Variants in KIF13A observed in about 807,000 individuals in gnomAD.
The protein encoded by KIF13A is kinesin-like protein KIF13A.
KIF13A carries 79 observed loss-of-function variants against 212.2 expected under a neutral mutation model. The ratio of observed to expected loss-of-function variants is 0.37; its 90% CI spans 0.31 to 0.45. KIF13A has a LOEUF of 0.45. KIF13A is among the 20% of genes least tolerant of loss of function. The pLI, the probability that KIF13A is intolerant of heterozygous loss-of-function variation, is 1.00. For missense variants in KIF13A, 1,901 were observed against 2,209.0 expected (o/e 0.86, Z 2.79); for synonymous variants, 789 against 808.6 (o/e 0.98, Z 0.41).
chr6:17,830,847 G>A (rs373634668), intron 13 of KIF13A, among the ~76,000 whole-genome samples: 5 of 151,956 alleles, frequency 3.3e-5, no homozygotes, highest in East Asian at 1.9e-4. Context: ...GCATCACCTC[G>A]ACACCTACTG....
At position 17,771,121 on chromosome 6, in the gene KIF13A, T is replaced by C; in HGVS notation, c.4574A>G (p.Lys1525Arg). Residue 1525 changes from lysine (K) to arginine (R), a missense_variant, in exon 38 of 39, where the codon AAG becomes AGG. Physicochemically the swap from Lys to Arg is conservative, Grantham distance 26 (BLOSUM62 2). Transcript: ENST00000259711. The surrounding 1 kb of genome is among the most constrained non-coding windows in gnomAD (Gnocchi z 5.4). ...MPVEHNSKRE[K>R]KIDSEEEENE... is the part of the protein sequence containing the mutation. Reference sequence around the variant, plus strand: ...AATGGTTCCGGAACTTACAATCTTCTTCTCACGTTTGCTATTGTGTTCTAC... The same window carrying C: ...AATGGTTCCGGAACTTACAATCTTCCTCTCACGTTTGCTATTGTGTTCTAC... 6.2e-7 allele frequency: 1 copy of C among 1,608,024 alleles called. No individual in the cohort carries two copies. Among genetic ancestry groups the C allele is most frequent in the Non-Finnish European group, 8.5e-7 (1 of 1,175,294 alleles).
rs551420812 is a variant in KIF13A at position 17,863,292 on chromosome 6, C to T, written c.221-7170G>A. 4.0e-5 allele frequency among the ~76,000 whole-genome samples: 6 copies of T among 151,182 alleles called. No homozygotes were observed. In the East Asian group the frequency reaches 1.2e-3, roughly 29 times the overall value. ...GGGTGTGTGTTTGTGTGTGCATGGA[C>T]ATGATGAGATGAAGGAACAGTATCA... is the stretch of plus-strand genomic sequence containing the variant. On this transcript the variant is annotated intron_variant, in intron 4 of 38. Transcript: ENST00000259711.
intron 14 of KIF13A, among the ~76,000 whole-genome samples, chr6:17,827,271 T>A (rs925185955): frequency 6.6e-6 from 1 of 151,420 alleles, no homozygotes; most frequent in Non-Finnish European, 1.5e-5. Context: ...TTTTTCGTAT[T>A]TTTTTGTAGA....
At chr6:17,943,975 C>T (rs1777166326) in intron 2 of KIF13A, among the ~76,000 whole-genome samples, 1 of 152,138 alleles carries the variant, frequency 6.6e-6, no homozygotes, top group African/African-American at 2.4e-5. Context: ...CTACCCAACA[C>T]AAAGCAGAAA....
intron 4 of KIF13A, among the ~76,000 whole-genome samples, chr6:17,865,919 G>A (rs186542852): frequency 1.2e-3 from 187 of 152,340 alleles, no homozygotes; most frequent in Non-Finnish European, 1.6e-3. Context: ...CACAGCAACA[G>A]CACTGGGGCT....
intron 2 of KIF13A, among the ~76,000 whole-genome samples, chr6:17,940,401 A>C (rs1776859523): frequency 6.6e-6 from 1 of 152,218 alleles, no homozygotes; most frequent in Admixed American, 6.5e-5. Context: ...CGAGCATGCA[A>C]ATTAAGTTAT....
At position 17,868,989 on chromosome 6, in the gene KIF13A, C is replaced by CAAAAAAAAA. The variant is rs71002278; in HGVS notation, c.220+4379_220+4387dup. ...TGGGCGACAGAGGGAGACTCCCTCT[C>CAAAAAAAAA]AAAAAAAAAAAAAAAAAAAAAAAAA... On this transcript the variant is annotated intron_variant, in intron 4 of 38. Transcript: ENST00000259711. Among the ~76,000 whole-genome samples, 62 of 20,926 alleles carry CAAAAAAAAA rather than the reference C, an allele frequency of 3.0e-3. 6 individuals carry two copies. Among genetic ancestry groups the CAAAAAAAAA allele is most frequent in the African/African-American group, 6.8e-3 (48 of 7,086 alleles). The allele number at this position is 20,926 out of a possible 152,430, so 13.7% of individuals were successfully genotyped here. A position where few individuals can be genotyped will look rare whatever the true frequency, so the allele number is the denominator to read the frequency against.
intron 6 of KIF13A, among the ~76,000 whole-genome samples, chr6:17,854,580 G>T: frequency 1.1e-5 from 1 of 94,966 alleles, no homozygotes; most frequent in East Asian, 3.4e-4. Flanking sequence ...TTTTGAGCTG[G>T]AGTCTCCCTC....
chr6:17,817,295 G>A (rs1442226214), intron 16 of KIF13A, 62 bp from the exon 17 acceptor site: 1 of 1,446,948 alleles, frequency 6.9e-7, no homozygotes, highest in Non-Finnish European at 9.7e-7. Flanking sequence ...ATTCATGCCA[G>A]GCACTGCAGC....
In KIF13A at chr6:17,809,979, C is replaced by T. The variant is rs1341239965; in HGVS notation, c.2001-1049G>A. ...CAGTGGCTCATGGCTATAATCCCAA[C>T]ACTTTGGGAAGCCGAGGTGGGAGGA... On this transcript the variant is annotated intron_variant, in intron 17 of 38. Transcript: ENST00000259711. This position sits in a 1 kb window ranked among gnomAD's most constrained non-coding sequence, Gnocchi z 4.7. 2.6e-5 allele frequency among the ~76,000 whole-genome samples: 4 copies of T among 152,090 alleles called. No homozygotes were observed. The highest frequency in any genetic ancestry group is 4.4e-5 in the Non-Finnish European group (3 of 68,024).
In KIF13A at chr6:17,799,531, A is replaced by C; in HGVS notation, c.2617-92T>G. ...CAAATTTAAGAGTAAGCGATGAAAC[A>C]AATTGGTCATCCATTTGACATGTGA... On this transcript the variant is annotated intron_variant, in intron 21 of 38. Coordinates refer to ENST00000259711, the MANE Select transcript of KIF13A (RefSeq NM_022113.6). This position sits in a 1 kb window ranked among gnomAD's most constrained non-coding sequence, Gnocchi z 4.4. 2 of 1,082,642 alleles carry C rather than the reference A, an allele frequency of 1.8e-6. No homozygotes were observed. The highest frequency in any genetic ancestry group is 2.6e-6 in the Non-Finnish European group (2 of 769,534). 67.1% of individuals were successfully genotyped at this position (1,082,642 alleles called of 1,614,324 possible). A position where few individuals can be genotyped will look rare whatever the true frequency, so the allele number is the denominator to read the frequency against.
At chr6:17,823,849 C>T (rs536290604) in intron 16 of KIF13A, among the ~76,000 whole-genome samples, 47 of 150,396 alleles carry the variant, frequency 3.1e-4, no homozygotes, top group East Asian at 4.0e-4. Flanking sequence ...GCTATCTTCC[C>T]GTCTCGGCCT....
chr6:17,821,712 A>T (rs1014331940), intron 16 of KIF13A: 10 of 1,489,896 alleles, frequency 6.7e-6, no homozygotes, highest in Non-Finnish European at 9.0e-6. Context: ...CAAAGCATGG[A>T]GCATGAGCAT....
At chr6:17,920,743 G>A (rs769036314) in intron 2 of KIF13A, among the ~76,000 whole-genome samples, 2 of 151,776 alleles carry the variant, frequency 1.3e-5, no homozygotes, top group South Asian at 2.1e-4. Flanking sequence ...GCCTGGGGGC[G>A]TGCACCTGTA....
chr6:17,771,758 G>A lies in KIF13A; in HGVS notation c.4476+150C>T. On this transcript the variant is annotated intron_variant, in intron 37 of 38. Transcript: ENST00000259711. This position sits in a 1 kb window ranked among gnomAD's most constrained non-coding sequence, Gnocchi z 5.4. Reference sequence around the variant, plus strand: ...AAGAGATTCTACCATGACTCTGCATGCTTGAGAAAGAGGAATTCGAGAACG... The same window carrying A: ...AAGAGATTCTACCATGACTCTGCATACTTGAGAAAGAGGAATTCGAGAACG... 1.5e-6 allele frequency: 1 copy of A among 672,918 alleles called. No individual in the cohort carries two copies. Among genetic ancestry groups the A allele is most frequent in the Admixed American group, 2.3e-5 (1 of 42,676 alleles). The allele number at this position is 672,918 out of a possible 1,614,324, so 41.7% of individuals were successfully genotyped here.
chr6:17,780,369 A>G (rs1158007650), intron 31 of KIF13A, among the ~76,000 whole-genome samples: 1 of 152,218 alleles, frequency 6.6e-6, no homozygotes, highest in African/African-American at 2.4e-5. Context: ...TCAAAGCAGT[A>G]GGATAGGGAT....
intron 2 of KIF13A, among the ~76,000 whole-genome samples, chr6:17,908,982 T>C (rs1773781828): frequency 6.6e-6 from 1 of 152,212 alleles, no homozygotes; most frequent in South Asian, 2.1e-4. Context: ...TCTCAGCCTC[T>C]AAAGCGGGAA....
At chr6:17,805,835 A>G (rs1440656224) in intron 18 of KIF13A, among the ~76,000 whole-genome samples, 1 of 152,154 alleles carries the variant, frequency 6.6e-6, no homozygotes, top group African/African-American at 2.4e-5. Flanking sequence ...AGACCAAACA[A>G]AAGTATAACT....
chr6:17,975,572 A>AT (rs530802998), intron 2 of KIF13A, among the ~76,000 whole-genome samples: 7 of 152,220 alleles, frequency 4.6e-5, no homozygotes, highest in East Asian at 1.9e-4. Flanking sequence ...AGTACAGAAC[A>AT]AAACGCGAAC....
Sources: allele counts gnomAD v4.1 joint callset (sites outside exome capture counted in the v4.1 genomes callset), GRCh38; gene constraint gnomAD v4.1.1; non-coding constraint Gnocchi (gnomAD v3.1); transcripts MANE v1.5; gene names NCBI Gene and HGNC (gene_info 2026-07-23, HGNC 2026-07-21).